POLN: variants seen among roughly 807,000 people sequenced by gnomAD.
POLN encodes the protein DNA polymerase nu.
Under a neutral mutation model 113.5 loss-of-function variants are expected in POLN, and 108 were observed. That is an observed-to-expected ratio of 0.95 (90% CI 0.81 to 1.12). POLN has a LOEUF of 1.12. Ranked by LOEUF, POLN falls within the 50% of genes most tolerant of loss-of-function variation. The pLI, the probability that POLN is intolerant of heterozygous loss-of-function variation, is 0.00. For missense variants in POLN, 1,097 were observed against 1,077.1 expected (o/e 1.02, Z -0.26); for synonymous variants, 386 against 391.5 (o/e 0.99, Z 0.17).
chr4:2,225,484 G>C (rs891071212), intron 3 of POLN, among the ~76,000 whole-genome samples: 1 of 151,724 alleles, frequency 6.6e-6, no homozygotes, highest in Non-Finnish European at 1.5e-5. Context: ...GAACCCAGGA[G>C]GGGGGGTTGC....
chr4:2,131,390 A>C (rs1401224031), intron 16 of POLN, 100 bp from the exon 17 acceptor site: 2 of 787,184 alleles, frequency 2.5e-6, no homozygotes, highest in Non-Finnish European at 2.0e-6. Flanking sequence ...ACATTAAAAC[A>C]AGTAAGCCAA....
At chr4:2,131,893 A>T in intron 16 of POLN, among the ~76,000 whole-genome samples, 1 of 152,192 alleles carries the variant, frequency 6.6e-6, no homozygotes, top group East Asian at 1.9e-4. Context: ...AAATCATGAG[A>T]ATTTCTGTCA....
intron 4 of POLN, among the ~76,000 whole-genome samples, chr4:2,211,541 C>T (rs913413669): frequency 1.3e-5 from 2 of 151,704 alleles, no homozygotes; most frequent in African/African-American, 4.8e-5. Context: ...TTTGGGAGGC[C>T]GAGGTGGGAG....
chr4:2,239,148 T>G, intron 2 of POLN: 1 of 569,072 alleles, frequency 1.8e-6, no homozygotes, highest in Non-Finnish European at 2.9e-6. Flanking sequence ...ATAAGCTCAA[T>G]GAATGAAAAC....
chr4:2,201,277 CAAAAAAAAAAAAAA>C (rs35399602), intron 5 of POLN, among the ~76,000 whole-genome samples: 4 of 15,834 alleles, frequency 2.5e-4, no homozygotes, highest in African/African-American at 1.4e-3. Context: ...CCTACCACTC[CAAAAAAAAAAAAAA>C]AAAAAAAAAA....
In POLN at chr4:2,115,842, G is replaced by T. The variant is rs114981506; in HGVS notation, c.1982+12271C>A. On this transcript the variant is annotated intron_variant, in intron 19 of 25. Transcript: ENST00000511885. ...CTGGTTTGAAATGTTTTGTGAATGG[G>T]ATCAGAATTTTCCCTTCTGTGGGGT... is the stretch of plus-strand genomic sequence containing the variant. Among the ~76,000 whole-genome samples the T allele has an allele frequency of 3.7e-3, 561 of 152,292 alleles. 5 individuals carry two copies. The highest frequency in any genetic ancestry group is 0.013 in the African/African-American group (538 of 41,556).
chr4:2,104,103 C>A (rs547892006), intron 19 of POLN, among the ~76,000 whole-genome samples: 3 of 152,124 alleles, frequency 2.0e-5, no homozygotes, highest in Non-Finnish European at 4.4e-5. Context: ...CAGAATTTCA[C>A]CAAACCACAA....
chr4:2,147,076 A>T (rs897765081), intron 16 of POLN, among the ~76,000 whole-genome samples: 10 of 152,240 alleles, frequency 6.6e-5, no homozygotes, highest in Admixed American at 3.3e-4. Context: ...TAACATTTTT[A>T]AAAATTAAAT....
chr4:2,107,674 C>T (rs1482378627), intron 19 of POLN, among the ~76,000 whole-genome samples: 1 of 152,106 alleles, frequency 6.6e-6, no homozygotes, highest in Non-Finnish European at 1.5e-5. Context: ...ACTGGCCTGG[C>T]TGGGATGTGA....
intron 20 of POLN, among the ~76,000 whole-genome samples, chr4:2,091,561 C>G (rs534801320): frequency 1.3e-5 from 2 of 152,276 alleles, no homozygotes; most frequent in African/African-American, 4.8e-5. Context: ...CTTCTCTGTC[C>G]CATGCTTCCG....
chr4:2,238,809 C>T (rs914715430), intron 2 of POLN: 7 of 1,612,946 alleles, frequency 4.3e-6, no homozygotes, highest in South Asian at 1.1e-5. Context: ...TCAAATGATG[C>T]CTTTTGTTTT....
chr4:2,224,785 C>T lies in POLN; in HGVS notation c.133+4314G>A, dbSNP rs58800108. The stretch of plus-strand genomic sequence containing the variant: ...GGCCAACATGGTGAAACCCTGCCTC[C>T]ACTAAAAATACAAAAATTAGCCAGG... On this transcript the variant is annotated intron_variant, in intron 3 of 25. Coordinates refer to ENST00000511885, the MANE Select transcript of POLN (RefSeq NM_181808.4). 4.4e-3 allele frequency among the ~76,000 whole-genome samples: 665 copies of T among 151,810 alleles called. 6 individuals carry two copies. The highest frequency in any genetic ancestry group is 0.015 in the African/African-American group (626 of 41,390).
At chr4:2,130,378 C>A (rs1731696221) in intron 17 of POLN, among the ~76,000 whole-genome samples, 1 of 152,154 alleles carries the variant, frequency 6.6e-6, no homozygotes, top group Non-Finnish European at 1.5e-5. Flanking sequence ...GACCTTCCTG[C>A]ACAGCAGGGC....
At chr4:2,176,799 T>C (rs1318705107) in intron 8 of POLN, among the ~76,000 whole-genome samples, 2 of 152,128 alleles carry the variant, frequency 1.3e-5, no homozygotes, top group African/African-American at 4.8e-5. Context: ...ACAGAGGCCC[T>C]GGGAGATGAC....
At chr4:2,189,647 A>G in intron 7 of POLN, among the ~76,000 whole-genome samples, 1 of 151,802 alleles carries the variant, frequency 6.6e-6, no homozygotes, top group Non-Finnish European at 1.5e-5. Context: ...TCAAACAAAA[A>G]AAAAAGAAAA....
chr4:2,160,686 A>G, intron 13 of POLN, among the ~76,000 whole-genome samples: 1 of 152,186 alleles, frequency 6.6e-6, no homozygotes, highest in Non-Finnish European at 1.5e-5. Context: ...TGGTATTACA[A>G]GCATGAGCCA....
chr4:2,185,379 G>C (rs12648243), intron 7 of POLN, among the ~76,000 whole-genome samples: 37,462 of 152,088 alleles, frequency 0.25, 7,115 homozygotes, highest in African/African-American at 0.51. Flanking sequence ...CTGGTTTCTT[G>C]AACACCAAAA....
rs1733493145 is a variant in POLN at position 2,193,200 on chromosome 4, T to G, written c.1021+4A>C. The G allele has an allele frequency of 6.3e-7, 1 of 1,577,368 alleles. No individual in the cohort carries two copies. The highest frequency in any genetic ancestry group is 8.7e-7 in the Non-Finnish European group (1 of 1,152,078). On this transcript the variant is annotated splice_donor_region_variant and intron_variant, in intron 7 of 25. Coordinates refer to ENST00000511885, the MANE Select transcript of POLN (RefSeq NM_181808.4). ...TTATAGAGAGAATAAAAAATATAACTTACCATGCTTCCAACTGCCATCATT... is the reference window on the plus strand; with the variant it reads ...TTATAGAGAGAATAAAAAATATAACGTACCATGCTTCCAACTGCCATCATT...
chr4:2,241,375 G>T, intron 2 of POLN, 145 bp downstream of exon 2: 1 of 425,554 alleles, frequency 2.3e-6, no homozygotes, highest in African/African-American at 2.2e-5. Flanking sequence ...ACTTTATAGA[G>T]CAGCATTTGT....
Sources: allele counts gnomAD v4.1 joint callset (sites outside exome capture counted in the v4.1 genomes callset), GRCh38; gene constraint gnomAD v4.1.1; transcripts MANE v1.5; gene names NCBI Gene and HGNC (gene_info 2026-07-23, HGNC 2026-07-21).